The following NLGN1 variants were observed in gnomAD, a reference collection of about 807,000 sequenced individuals.
NLGN1 encodes neuroligin-1.
A neutral mutation model predicts 65.5 loss-of-function variants in NLGN1; 12 were observed. That is an observed-to-expected ratio of 0.18 (90% CI 0.12 to 0.30). The LOEUF is 0.30. NLGN1 is among the 10% of genes least tolerant of loss of function. The pLI is 1.00. For synonymous variants in NLGN1, 350 were observed against 359.5 expected (o/e 0.97, Z 0.30); for missense variants, 750 against 1,007.1 (o/e 0.74, Z 3.46).
In NLGN1 at chr3:173,950,581, G is replaced by A. The variant is rs1748000968; in HGVS notation, c.646+142749G>A. ...TAATCCGAGCACTTTGGGAGGCCTAGGTGGGTGGATCACCTGAGGTCAGGA... is the reference window on the plus strand; with the variant it reads ...TAATCCGAGCACTTTGGGAGGCCTAAGTGGGTGGATCACCTGAGGTCAGGA... On this transcript the variant is annotated intron_variant, in intron 4 of 6. Transcript: ENST00000457714. Among the ~76,000 whole-genome samples the A allele has an allele frequency of 2.6e-5, 4 of 152,090 alleles. No individual in the cohort carries two copies. In the South Asian group the frequency reaches 8.3e-4, roughly 32 times the overall value.
chr3:174,173,717 T>C (rs2152737643), intron 4 of NLGN1, among the ~76,000 whole-genome samples: 1 of 151,988 alleles, frequency 6.6e-6, no homozygotes, highest in South Asian at 2.1e-4. Flanking sequence ...TGTTTGTGTG[T>C]GTGTGTGTGT....
chr3:174,059,304 G>A (rs1436379118), intron 4 of NLGN1, among the ~76,000 whole-genome samples: 1 of 152,070 alleles, frequency 6.6e-6, no homozygotes, highest in Non-Finnish European at 1.5e-5. Flanking sequence ...ATAAAGCTAT[G>A]GGTTGTCACA....
chr3:173,716,607 G>A (rs528213709), intron 3 of NLGN1, among the ~76,000 whole-genome samples: 10 of 152,072 alleles, frequency 6.6e-5, no homozygotes, highest in East Asian at 3.9e-4. Flanking sequence ...ACTTCTTCCC[G>A]GGGGCTGAAT....
chr3:173,705,225 A>G (rs370283598), intron 3 of NLGN1, among the ~76,000 whole-genome samples: 63 of 152,278 alleles, frequency 4.1e-4, no homozygotes, highest in South Asian at 2.7e-3. Flanking sequence ...ACCTGAAGAT[A>G]TGTTTGAAAA....
intron 2 of NLGN1, among the ~76,000 whole-genome samples, chr3:173,595,702 A>C (rs1460242096): frequency 6.6e-6 from 1 of 152,166 alleles, no homozygotes; most frequent in Non-Finnish European, 1.5e-5. Flanking sequence ...TGGGAAGAAA[A>C]AGGGATTTAA....
At chr3:173,809,781 G>A (rs748542664) in intron 4 of NLGN1, among the ~76,000 whole-genome samples, 64 of 152,244 alleles carry the variant, frequency 4.2e-4, no homozygotes, top group South Asian at 1.0e-3. Flanking sequence ...TTTAAATGCC[G>A]CACTGTGAGG....
intron 3 of NLGN1, among the ~76,000 whole-genome samples, chr3:173,730,471 A>G (rs1443862900): frequency 6.6e-6 from 1 of 152,082 alleles, no homozygotes; most frequent in Non-Finnish European, 1.5e-5. Context: ...CATTTCAACA[A>G]GCGATCATTG....
chr3:174,028,518 A>T (rs915893098), intron 4 of NLGN1, among the ~76,000 whole-genome samples: 1 of 152,210 alleles, frequency 6.6e-6, no homozygotes, highest in Non-Finnish European at 1.5e-5. Context: ...GATTTAGGAC[A>T]TCTAGCAGAA....
At chr3:173,412,955 A>G (rs1195897865) in intron 1 of NLGN1, among the ~76,000 whole-genome samples, 1 of 152,204 alleles carries the variant, frequency 6.6e-6, no homozygotes, top group African/African-American at 2.4e-5. Flanking sequence ...TCTCTTCAAG[A>G]AAGTAATTGA....
chr3:173,643,746 T>C (rs890769699), intron 3 of NLGN1, among the ~76,000 whole-genome samples: 1 of 152,138 alleles, frequency 6.6e-6, no homozygotes, highest in Non-Finnish European at 1.5e-5. Flanking sequence ...ACAAGACTCT[T>C]ACTCACTGAA....
At chr3:174,266,181 T>TAAA (rs1267475627) in intron 4 of NLGN1, among the ~76,000 whole-genome samples, 2 of 151,994 alleles carry the variant, frequency 1.3e-5, no homozygotes, top group Non-Finnish European at 2.9e-5. Context: ...TAGTATCTGA[T>TAAA]AGTTTTTTCA....
At chr3:173,988,818 T>C (rs1720492721) in intron 4 of NLGN1, among the ~76,000 whole-genome samples, 1 of 152,162 alleles carries the variant, frequency 6.6e-6, no homozygotes, top group Non-Finnish European at 1.5e-5. Flanking sequence ...CCACTTCTTA[T>C]TCTTCTTGTC....
chr3:173,531,266 G>T (rs1736518125), intron 2 of NLGN1, among the ~76,000 whole-genome samples: 1 of 152,036 alleles, frequency 6.6e-6, no homozygotes, highest in Admixed American at 6.5e-5. Context: ...AGCACTTGGA[G>T]ACCTTGATTT....
chr3:174,000,270 T>A (rs1214866685), intron 4 of NLGN1, among the ~76,000 whole-genome samples: 1 of 152,208 alleles, frequency 6.6e-6, no homozygotes, highest in Non-Finnish European at 1.5e-5. Flanking sequence ...TTTTTGCACC[T>A]TCACATCCAA....
chr3:173,526,082 T>C (rs1158878924), intron 2 of NLGN1, among the ~76,000 whole-genome samples: 4 of 152,140 alleles, frequency 2.6e-5, no homozygotes, highest in Non-Finnish European at 5.9e-5. Context: ...CTGTTGTTGT[T>C]GGGGAGAATG....
intron 2 of NLGN1, among the ~76,000 whole-genome samples, chr3:173,550,741 T>C (rs1245934475): frequency 1.3e-5 from 2 of 151,180 alleles, no homozygotes; most frequent in African/African-American, 4.9e-5. Context: ...AAGTTAATTT[T>C]ACTAACACAG....
At chr3:173,709,366 C>A (rs1768559048) in intron 3 of NLGN1, among the ~76,000 whole-genome samples, 1 of 152,136 alleles carries the variant, frequency 6.6e-6, no homozygotes, top group Non-Finnish European at 1.5e-5. Context: ...AATACTTGCT[C>A]CTCTGACCAT....
chr3:173,677,838 C>G (rs1763384900), intron 3 of NLGN1, among the ~76,000 whole-genome samples: 1 of 152,086 alleles, frequency 6.6e-6, no homozygotes, highest in African/African-American at 2.4e-5. Context: ...GCAATCAAAT[C>G]TTGGAAACAT....
chr3:173,579,895 A>G (rs1205303705), intron 2 of NLGN1, among the ~76,000 whole-genome samples: 1 of 152,086 alleles, frequency 6.6e-6, no homozygotes, highest in Non-Finnish European at 1.5e-5. Flanking sequence ...TTGCTTTACA[A>G]TTCTGTTTTA....
Sources: gnomAD v4.1 joint callset for allele counts (sites outside exome capture counted in the v4.1 genomes callset) on GRCh38, gnomAD v4.1.1 for gene constraint, MANE v1.5 for transcripts, NCBI Gene and HGNC (gene_info 2026-07-23, HGNC 2026-07-21) for gene names.